CLUH: variants seen among roughly 807,000 people sequenced by gnomAD.
The protein encoded by CLUH is clustered mitochondria protein homolog.
CLUH carries 77 observed loss-of-function variants against 139.3 expected under a neutral mutation model. The observed-to-expected ratio is 0.55, with a 90% CI of 0.46 to 0.67. The LOEUF is 0.67. Ranked by LOEUF, CLUH falls within the 30% of genes least tolerant of loss-of-function variation. The probability of loss-of-function intolerance (pLI) is 0.00; values close to 1 mark genes in which losing one functional copy is unlikely to be tolerated. For missense variants in CLUH, 1,876 were observed against 1,875.8 expected, an observed-to-expected ratio of 1.00 and a Z score of 0.00; for synonymous variants, 999 against 801.6, an observed-to-expected ratio of 1.25 and a Z score of -4.16.
chr17:2,694,057 G>C lies in CLUH; in HGVS notation c.3092-18C>G. The C allele has an allele frequency of 6.2e-7, 1 of 1,613,850 alleles. No individual in the cohort carries two copies. Among genetic ancestry groups the C allele is most frequent in the Middle Eastern group, 1.7e-4 (1 of 6,060 alleles). ...CAGGAAGCCTGCAGGGCACCCCCAG[G>C]GGTGGCAAGGTCAGGACGGGCCATG... On this transcript the variant is annotated intron_variant, in intron 18 of 25. Transcript: ENST00000651024.
At chr17:2,691,725 C>T (rs756756260) in intron 24 of CLUH, 36 bp downstream of exon 24, 2 of 1,602,764 alleles carry the variant, frequency 1.2e-6, no homozygotes, top group Non-Finnish European at 1.7e-6. Context: ...CTCCCGCGCT[C>T]GCCGGGCCGG....
chr17:2,701,070 T>C (rs1298944162), intron 7 of CLUH, 70 bp downstream of exon 7: 1 of 1,607,994 alleles, frequency 6.2e-7, no homozygotes, highest in East Asian at 2.2e-5. Context: ...AGCACTGGAG[T>C]GCAGGTGGGC....
In CLUH at chr17:2,690,438, C is replaced by A. The variant is rs73304274; in HGVS notation, c.*156G>T. ...GCAAAAACACCTTCTGCGGGGCAGG[C>A]AGGCCAGGCTCCCAGGAGGACACGG... On this transcript the variant is annotated 3_prime_UTR_variant, in exon 26 of 26. Coordinates refer to ENST00000651024, the MANE Select transcript of CLUH (RefSeq NM_001366661.1). The A allele has an allele frequency of 2.9e-3, 1,640 of 567,598 alleles. 16 individuals are homozygous for A. Among genetic ancestry groups the A allele is most frequent in the African/African-American group, 0.027 (1,381 of 51,128 alleles). 35.2% of individuals were successfully genotyped at this position (567,598 alleles called of 1,614,324 possible). A position where few individuals can be genotyped will look rare whatever the true frequency, so the allele number is the denominator to read the frequency against.
Position 2,698,503 on chromosome 17 carries a change from TCTC to T in CLUH, c.1351_1353del (p.Glu451del), listed in dbSNP as rs1393018440. 4 of 1,612,912 alleles carry T rather than the reference TCTC, an allele frequency of 2.5e-6. No homozygotes were observed. Among genetic ancestry groups the T allele is most frequent in the Non-Finnish European group, 8.5e-7 (1 of 1,179,758 alleles). ...TTCCAGATGAACATCTGCATCTTGG[TCTC>T]CTCGCTGGGGTTGATGGCCATCACG... On this transcript the variant is annotated inframe_deletion, in exon 10 of 26. Coordinates refer to ENST00000651024, the MANE Select transcript of CLUH (RefSeq NM_001366661.1).
intron 3 of CLUH, 108 bp from the exon 4 acceptor site, chr17:2,702,165 C>G: frequency 7.3e-7 from 1 of 1,368,470 alleles, no homozygotes; most frequent in Non-Finnish European, 9.8e-7. Flanking sequence ...TTTTAATTTT[C>G]AACTTTAGGT....
In CLUH at chr17:2,692,637, C is replaced by G. The variant is rs768831760; in HGVS notation, c.3372G>C (p.Leu1124=). ...SSQLSTALSL[L]YRARYLMLLV... is the part of the protein sequence containing the mutation. ...GCAGCATGAGGTAGCGGGCGCGGTACAGCAGGCTCAGGGCGGTGGACAGCT... is the reference window on the plus strand; with the variant it reads ...GCAGCATGAGGTAGCGGGCGCGGTAGAGCAGGCTCAGGGCGGTGGACAGCT... Residue 1124 remains leucine (L), a synonymous_variant, in exon 21 of 26, where the codon CTG becomes CTC. Coordinates refer to ENST00000651024, the MANE Select transcript of CLUH (RefSeq NM_001366661.1). The G allele has an allele frequency of 6.2e-7, 1 of 1,612,888 alleles. No homozygotes were observed. The highest frequency in any genetic ancestry group is 8.5e-7 in the Non-Finnish European group (1 of 1,179,518).
Position 2,701,179 on chromosome 17 carries a change from G to T in CLUH, c.986C>A (p.Pro329Gln), listed in dbSNP as rs748663843. 9.3e-6 allele frequency: 15 copies of T among 1,613,860 alleles called. No homozygotes were observed. In the African/African-American group the frequency reaches 1.1e-4, roughly 11 times the overall value. The change falls in exon 7 of 26, where the codon CCG (proline) becomes CAG (glutamine). Residue 329 changes from proline (P) to glutamine (Q), a missense_variant. By Grantham distance (76) the Pro-to-Gln change is moderately conservative. This residue lies in a region of CLUH where 270 missense variants were observed against 354.7 expected (regional missense o/e 0.76). Transcript: ENST00000651024. Reference sequence around the variant, plus strand: ...CACAGCGAAGTTCTTCTTGAAGGTCGGGCTGATCTGGTTGAGCAGCTCCAC... The same window carrying T: ...CACAGCGAAGTTCTTCTTGAAGGTCTGGCTGATCTGGTTGAGCAGCTCCAC... ...SLVELLNQIS[P>Q]TFKKNFAVLQ...
chr17:2,690,289 C>A lies in CLUH; in HGVS notation c.*305G>T. ...CAACACTCACAGCCAGGGGCGCACTCGCACACGCCGGCCGGACGGCGGGGG... is the reference window on the plus strand; with the variant it reads ...CAACACTCACAGCCAGGGGCGCACTAGCACACGCCGGCCGGACGGCGGGGG... On this transcript the variant is annotated 3_prime_UTR_variant, in exon 26 of 26. Transcript: ENST00000651024. The A allele has an allele frequency of 2.8e-6, 1 of 354,070 alleles. No homozygotes were observed. Among genetic ancestry groups the A allele is most frequent in the Non-Finnish European group, 5.1e-6 (1 of 196,842 alleles). The allele number at this position is 354,070 out of a possible 1,614,324, so 21.9% of individuals were successfully genotyped here.
In CLUH at chr17:2,707,649, G is replaced by A; in HGVS notation, c.101-3085C>T. On this transcript the variant is annotated intron_variant, in intron 1 of 25. Coordinates refer to ENST00000651024, the MANE Select transcript of CLUH (RefSeq NM_001366661.1). The surrounding 1 kb of genome is among the most constrained non-coding windows in gnomAD (Gnocchi z 7.4). ...GGCAGGGGCAGGGCCCAGCAAGGGGGTCCTCTCCTCCGCTCCCATCCCAGT... is the reference window on the plus strand; with the variant it reads ...GGCAGGGGCAGGGCCCAGCAAGGGGATCCTCTCCTCCGCTCCCATCCCAGT... The A allele has an allele frequency of 2.0e-6, 2 of 985,396 alleles. No individual in the cohort carries two copies. The highest frequency in any genetic ancestry group is 5.2e-4 in the Middle Eastern group (1 of 1,914). The allele number at this position is 985,396 out of a possible 1,614,324, so 61.0% of individuals were successfully genotyped here.
chr17:2,693,836 G>A, intron 19 of CLUH, 64 bp downstream of exon 19: 3 of 1,536,432 alleles, frequency 2.0e-6, no homozygotes, highest in Non-Finnish European at 2.6e-6. Flanking sequence ...CTCCGTCAGG[G>A]GCCCCCTCAC....
intron 19 of CLUH, 198 bp from the exon 20 acceptor site, chr17:2,693,058 G>A: frequency 5.4e-6 from 2 of 367,386 alleles, no homozygotes; most frequent in Non-Finnish European, 9.5e-6. Context: ...ACGCTCCACA[G>A]AGAGCTCCAC....
rs2070246134 is a variant in CLUH at position 2,703,348 on chromosome 17, G to A, written c.445C>T (p.Gln149Ter). ...ACCACACGCAGCACAGAGCCCTCCT[G>A]CAGCCCCTCGACGCTGCGCAGCTCC... ...FSELRSVEGL[Q>*]EGSVLRVVEE... Residue 149 changes from glutamine (Q) to a stop codon, truncating the protein, a stop_gained, in exon 3 of 26, where the codon CAG becomes TAG. Transcript: ENST00000651024. LOFTEE classifies it high-confidence loss of function. This position sits in a 1 kb window ranked among gnomAD's most constrained non-coding sequence, Gnocchi z 4.2. 1 of 1,612,494 alleles carries A rather than the reference G, an allele frequency of 6.2e-7. No individual in the cohort carries two copies. The highest frequency in any genetic ancestry group is 8.5e-7 in the Non-Finnish European group (1 of 1,179,508).
Position 2,696,219 on chromosome 17 carries a change from G to A in CLUH, c.2331C>T (p.Asp777=), listed in dbSNP as rs1205853161. ...CCGCGTCCTTCAGCAGCTGCTTCTG[G>A]TCCCGAACTTCATCCTGGCAGGACT... is the stretch of plus-strand genomic sequence containing the variant. The part of the protein sequence containing the change: ...FPESCQDEVR[D]QKQLLKDAAA... The change falls in exon 13 of 26, where the codon GAC becomes GAT. Residue 777 remains aspartate, a synonymous_variant. Transcript: ENST00000651024. 1 of 1,577,016 alleles carries A rather than the reference G, an allele frequency of 6.3e-7. No individual in the cohort carries two copies. The highest frequency in any genetic ancestry group is 1.2e-5 in the South Asian group (1 of 85,738).
chr17:2,694,652 C>A, intron 16 of CLUH, 88 bp from the exon 17 acceptor site: 1 of 1,403,506 alleles, frequency 7.1e-7, no homozygotes, highest in Non-Finnish European at 9.7e-7. Context: ...GCTGTCCAGC[C>A]CGGGCCCCCA....
intron 1 of CLUH, among the ~76,000 whole-genome samples, chr17:2,709,959 GC>G (rs898526347): frequency 4.2e-5 from 6 of 142,696 alleles, no homozygotes; most frequent in African/African-American, 1.0e-4. Context: ...CCCCGACAGA[GC>G]CCCCCCACCC....
chr17:2,691,837 T>C lies in CLUH; in HGVS notation c.3713A>G (p.Gln1238Arg). ...GGTGCGCTGCAGGGCCACGGCCTGC[T>C]GGGTCAGGCACTTGAGGTACTCGGA... ...ESSEYLKCLT[Q>R]QAVALQRTMN... Residue 1238 changes from glutamine (Q) to arginine (R), a missense_variant, in exon 24 of 26, where the codon CAG becomes CGG. Coordinates refer to ENST00000651024, the MANE Select transcript of CLUH (RefSeq NM_001366661.1). 1 of 1,561,596 alleles carries C rather than the reference T, an allele frequency of 6.4e-7. No individual in the cohort carries two copies.
At chr17:2,696,609 G>A (rs1281654818) in intron 11 of CLUH, 71 bp from the exon 12 acceptor site, 12 of 1,529,776 alleles carry the variant, frequency 7.8e-6, no homozygotes, top group African/African-American at 4.1e-5. Flanking sequence ...GCCAAGCCTC[G>A]CCCCCTAGCT....
At chr17:2,697,073 T>A in intron 10 of CLUH, 131 bp from the exon 11 acceptor site, 2 of 693,262 alleles carry the variant, frequency 2.9e-6, no homozygotes, top group Non-Finnish European at 4.8e-6. Flanking sequence ...TGTGCATGAG[T>A]CAACGCAGAA....
chr17:2,693,436 CAG>C (rs981832890), intron 19 of CLUH, among the ~76,000 whole-genome samples: 1 of 152,042 alleles, frequency 6.6e-6, no homozygotes, highest in African/African-American at 2.4e-5. Context: ...CATTTATAAA[CAG>C]AAGAAAAAAC....
Sources: gnomAD v4.1 joint callset for allele counts (sites outside exome capture counted in the v4.1 genomes callset) on GRCh38, gnomAD v4.1.1 for gene constraint, gnomAD v4.1.1 regional missense constraint, Gnocchi (gnomAD v3.1) non-coding constraint, MANE v1.5 for transcripts, NCBI Gene and HGNC (gene_info 2026-07-23, HGNC 2026-07-21) for gene names.